The following LDLRAD4 variants were observed in gnomAD, a reference collection of about 807,000 sequenced individuals.
LDLRAD4 encodes low density lipoprotein receptor class A domain containing 4, also known as low-density lipoprotein receptor class A domain-containing protein 4.
A neutral mutation model predicts 17.0 loss-of-function variants in LDLRAD4; 5 were observed. The observed-to-expected ratio is 0.29, with a 90% CI of 0.15 to 0.62. The LOEUF is 0.62. LDLRAD4 is among the 20% of genes least tolerant of loss of function. The pLI, the probability that LDLRAD4 is intolerant of heterozygous loss-of-function variation, is 0.84. For synonymous variants in LDLRAD4, 168 were observed against 171.8 expected (o/e 0.98, Z 0.17); for missense variants, 340 against 424.7 (o/e 0.80, Z 1.75).
intron 1 of LDLRAD4, among the ~76,000 whole-genome samples, chr18:13,336,278 T>A (rs1002173565): frequency 2.0e-5 from 3 of 152,220 alleles, no homozygotes; most frequent in African/African-American, 7.2e-5. Flanking sequence ...TTGTTCTTTA[T>A]CTTTAAAGTC....
chr18:13,606,172 G>A (rs769739402), intron 3 of LDLRAD4, among the ~76,000 whole-genome samples: 4 of 152,160 alleles, frequency 2.6e-5, no homozygotes, highest in African/African-American at 4.8e-5. Flanking sequence ...GGTTCTAACT[G>A]GCCTCTATAA....
intron 3 of LDLRAD4, among the ~76,000 whole-genome samples, chr18:13,531,961 G>A (rs1277068695): frequency 6.6e-6 from 1 of 152,174 alleles, no homozygotes; most frequent in Non-Finnish European, 1.5e-5. Flanking sequence ...TGTTTGTGCT[G>A]TGTGGAGTGT....
chr18:13,404,034 C>A (rs977840447), intron 2 of LDLRAD4, among the ~76,000 whole-genome samples: 8 of 152,246 alleles, frequency 5.3e-5, no homozygotes, highest in Non-Finnish European at 1.2e-4. Context: ...TCTTGATTCC[C>A]ACCCTGTCCC....
intron 2 of LDLRAD4, among the ~76,000 whole-genome samples, chr18:13,435,322 G>A (rs1056896176): frequency 6.6e-6 from 1 of 152,204 alleles, no homozygotes. Flanking sequence ...ACATCAAGAA[G>A]CCAATAAATT....
intron 1 of LDLRAD4, among the ~76,000 whole-genome samples, chr18:13,247,461 G>A (rs1036726328): frequency 6.6e-6 from 1 of 152,298 alleles, no homozygotes. Context: ...TGCAGTCCAG[G>A]ATGCCATGTT....
intron 1 of LDLRAD4, among the ~76,000 whole-genome samples, chr18:13,377,330 G>T (rs561970840): frequency 4.6e-5 from 7 of 152,290 alleles, no homozygotes; most frequent in Middle Eastern, 3.4e-3. Flanking sequence ...GCTGCGTCAC[G>T]TCTGTTTCCA....
chr18:13,383,904 G>A (rs888908760), intron 1 of LDLRAD4, among the ~76,000 whole-genome samples: 2 of 152,344 alleles, frequency 1.3e-5, no homozygotes, highest in Admixed American at 6.5e-5. Context: ...CAGTGAGAAA[G>A]AAGACTTTTT....
intron 3 of LDLRAD4, among the ~76,000 whole-genome samples, chr18:13,565,252 G>A (rs2094585515): frequency 1.3e-5 from 2 of 152,176 alleles, no homozygotes; most frequent in African/African-American, 2.4e-5. Context: ...GGTTGGCCAG[G>A]GGTGTCCAGG....
chr18:13,445,050 G>A (rs1172409430), intron 3 of LDLRAD4, among the ~76,000 whole-genome samples: 1 of 152,170 alleles, frequency 6.6e-6, no homozygotes, highest in Non-Finnish European at 1.5e-5. Flanking sequence ...TTTATTCTGG[G>A]ACCAGCAGTG....
At chr18:13,421,685 A>G in intron 2 of LDLRAD4, among the ~76,000 whole-genome samples, 1 of 152,134 alleles carries the variant, frequency 6.6e-6, no homozygotes. Flanking sequence ...TCTTCTCCTG[A>G]GTTCCCCCTG....
At chr18:13,283,857 A>T (rs1170678495) in intron 1 of LDLRAD4, among the ~76,000 whole-genome samples, 1 of 152,178 alleles carries the variant, frequency 6.6e-6, no homozygotes, top group South Asian at 2.1e-4. Flanking sequence ...ACAGTTCCAC[A>T]TGGCTGGGGA....
chr18:13,357,715 G>C (rs942619590), intron 1 of LDLRAD4, among the ~76,000 whole-genome samples: 4 of 152,150 alleles, frequency 2.6e-5, no homozygotes, highest in African/African-American at 9.7e-5. Context: ...TGGGCATCCT[G>C]CAGTTCTGTT....
intron 3 of LDLRAD4, among the ~76,000 whole-genome samples, chr18:13,567,549 CA>C (rs2094622780): frequency 6.6e-6 from 1 of 152,116 alleles, no homozygotes; most frequent in South Asian, 2.1e-4. Context: ...CTCTTAAAAA[CA>C]TTTTCTCAGC....
chr18:13,299,222 G>C (rs977018442), intron 1 of LDLRAD4, among the ~76,000 whole-genome samples: 11 of 152,238 alleles, frequency 7.2e-5, no homozygotes, highest in Admixed American at 6.5e-4. Flanking sequence ...TTCTGAAATA[G>C]ACACATTTTA....
intron 1 of LDLRAD4, among the ~76,000 whole-genome samples, chr18:13,259,772 C>G (rs1252981402): frequency 2.0e-5 from 3 of 152,046 alleles, no homozygotes; most frequent in Non-Finnish European, 2.9e-5. Context: ...TTACAGCCAC[C>G]CACGGCTGCT....
chr18:13,376,775 C>T (rs1429443475), intron 1 of LDLRAD4, among the ~76,000 whole-genome samples: 8 of 152,208 alleles, frequency 5.3e-5, no homozygotes, highest in Non-Finnish European at 1.2e-4. Flanking sequence ...ATACATGGTA[C>T]CTGTCTGTGG....
intron 2 of LDLRAD4, among the ~76,000 whole-genome samples, chr18:13,415,354 C>T (rs1367626985): frequency 6.6e-6 from 1 of 152,236 alleles, no homozygotes; most frequent in Non-Finnish European, 1.5e-5. Flanking sequence ...AACGACCCTT[C>T]CCCACAGACG....
intron 1 of LDLRAD4, among the ~76,000 whole-genome samples, chr18:13,376,201 T>A (rs1211665887): frequency 6.6e-6 from 1 of 152,202 alleles, no homozygotes; most frequent in Non-Finnish European, 1.5e-5. Context: ...TGCTTAGGTC[T>A]CCATGCAGAG....
chr18:13,289,523 A>G (rs2045845549), intron 1 of LDLRAD4, among the ~76,000 whole-genome samples: 1 of 152,198 alleles, frequency 6.6e-6, no homozygotes, highest in South Asian at 2.1e-4. Context: ...TTTAATTTAC[A>G]GTTGAACAAA....
Sources: gnomAD v4.1 joint callset for allele counts (sites outside exome capture counted in the v4.1 genomes callset) on GRCh38, gnomAD v4.1.1 for gene constraint, MANE v1.5 for transcripts, NCBI Gene and HGNC (gene_info 2026-07-23, HGNC 2026-07-21) for gene names.